PARD3: variants seen among roughly 807,000 people sequenced by gnomAD.
PARD3 encodes partitioning defective 3 homolog.
PARD3 carries 75 observed loss-of-function variants against 155.4 expected under a neutral mutation model. The observed-to-expected ratio is 0.48, with a 90% CI of 0.40 to 0.58. The LOEUF is 0.58. Among genes scored for constraint, PARD3 ranks in the 20% least tolerant of loss-of-function variants. The pLI, the probability that PARD3 is intolerant of heterozygous loss-of-function variation, is 0.00. For synonymous variants in PARD3, 576 were observed against 610.5 expected, an observed-to-expected ratio of 0.94 and a Z score of 0.83; for missense variants, 1,642 against 1,721.7, an observed-to-expected ratio of 0.95 and a Z score of 0.82.
intron 22 of PARD3, among the ~76,000 whole-genome samples, chr10:34,198,961 A>G (rs1247279439): frequency 6.6e-6 from 1 of 152,174 alleles, no homozygotes; most frequent in East Asian, 1.9e-4. Flanking sequence ...TTCAGTTGCC[A>G]TGGACTCTCA....
At chr10:34,263,491 T>C (rs1039373370) in intron 22 of PARD3, among the ~76,000 whole-genome samples, 4 of 151,658 alleles carry the variant, frequency 2.6e-5, no homozygotes, top group African/African-American at 9.7e-5. Context: ...ACCCCATCTG[T>C]ACAAAAAATA....
chr10:34,409,285 T>C (rs549727096), intron 5 of PARD3, among the ~76,000 whole-genome samples: 1 of 152,224 alleles, frequency 6.6e-6, no homozygotes, highest in South Asian at 2.1e-4. Context: ...ACCAGTTCCA[T>C]GCATAATGGA....
intron 22 of PARD3, among the ~76,000 whole-genome samples, chr10:34,199,767 G>A (rs573782065): frequency 2.6e-4 from 40 of 152,288 alleles, no homozygotes; most frequent in Admixed American, 2.0e-3. Flanking sequence ...AGTGATTAAT[G>A]AGAACCGGAG....
intron 22 of PARD3, among the ~76,000 whole-genome samples, chr10:34,233,710 C>T (rs1432992190): frequency 2.0e-5 from 3 of 152,028 alleles, no homozygotes; most frequent in Non-Finnish European, 2.9e-5. Context: ...GTCCTATAGG[C>T]TCTAGGTTTA....
At chr10:34,718,102 C>A (rs189303056) in intron 1 of PARD3, among the ~76,000 whole-genome samples, 1,982 of 136,790 alleles carry the variant, frequency 0.014, 25 homozygotes, top group Non-Finnish European at 0.02. Context: ...TGCAGTGAGC[C>A]AAGATGGTGC....
chr10:34,223,544 G>A (rs1952427953), intron 22 of PARD3, among the ~76,000 whole-genome samples: 1 of 152,168 alleles, frequency 6.6e-6, no homozygotes, highest in South Asian at 2.1e-4. Context: ...AAGGCGAACA[G>A]GGTGAGAGAT....
chr10:34,570,401 T>C (rs2086295528), intron 2 of PARD3, among the ~76,000 whole-genome samples: 1 of 152,222 alleles, frequency 6.6e-6, no homozygotes, highest in Admixed American at 6.5e-5. Flanking sequence ...TAGATGAAGT[T>C]AAAATTGCCA....
chr10:34,346,337 G>T, intron 15 of PARD3: 6 of 1,278,836 alleles, frequency 4.7e-6, no homozygotes, highest in Admixed American at 5.2e-5. Flanking sequence ...TTTGGTTTGA[G>T]TTTTAGTTTT....
chr10:34,282,787 C>G (rs186284307), intron 21 of PARD3, among the ~76,000 whole-genome samples: 2 of 152,046 alleles, frequency 1.3e-5, no homozygotes, highest in East Asian at 3.9e-4. Context: ...GAAGTTTATA[C>G]TTCTGAGTCA....
chr10:34,265,438 A>G lies in PARD3; in HGVS notation c.3419+4219T>C, dbSNP rs1955253432. Among the ~76,000 whole-genome samples, 3 of 152,330 alleles carry G rather than the reference A, an allele frequency of 2.0e-5. No individual in the cohort carries two copies. The South Asian group carries it at 6.2e-4, about 32-fold the overall frequency. Reference sequence around the variant, plus strand: ...AAATGATTAAGCAGTGAAATGTAGAACACTGCTTCCTTACTGAACAATGAA... The same window carrying G: ...AAATGATTAAGCAGTGAAATGTAGAGCACTGCTTCCTTACTGAACAATGAA... On this transcript the variant is annotated intron_variant, in intron 22 of 24. Coordinates refer to ENST00000374788, the MANE Select transcript of PARD3 (RefSeq NM_001184785.2).
chr10:34,276,849 T>C (rs1018997937), intron 21 of PARD3, among the ~76,000 whole-genome samples: 2 of 152,184 alleles, frequency 1.3e-5, no homozygotes, highest in African/African-American at 4.8e-5. Flanking sequence ...TTTTTACATG[T>C]TGTATTTTTT....
At chr10:34,132,175 A>C (rs1947647841) in intron 22 of PARD3, among the ~76,000 whole-genome samples, 2 of 152,208 alleles carry the variant, frequency 1.3e-5, no homozygotes, top group African/African-American at 4.8e-5. Context: ...AAAATGAAAA[A>C]CATTTTAAAA....
At chr10:34,806,836 T>C (rs1039971182) in intron 1 of PARD3, among the ~76,000 whole-genome samples, 1 of 152,086 alleles carries the variant, frequency 6.6e-6, no homozygotes, top group African/African-American at 2.4e-5. Flanking sequence ...AAACAAACCA[T>C]GCAGAGCAGG....
At chr10:34,450,926 G>A (rs1347107085) in intron 4 of PARD3, among the ~76,000 whole-genome samples, 2 of 152,114 alleles carry the variant, frequency 1.3e-5, no homozygotes, top group Non-Finnish European at 2.9e-5. Context: ...ATGGTTTTGT[G>A]ATTTTTGGAT....
At position 34,337,192 on chromosome 10, in the gene PARD3, C is replaced by A. The variant is rs979660628; in HGVS notation, c.2560+83G>T. 4.7e-6 allele frequency: 4 copies of A among 842,964 alleles called. No homozygotes were observed. The African/African-American group carries it at 7.0e-5, about 15-fold the overall frequency. The allele number at this position is 842,964 out of a possible 1,614,324, so 52.2% of individuals were successfully genotyped here. A position where few individuals can be genotyped will look rare whatever the true frequency, so the allele number is the denominator to read the frequency against. On this transcript the variant is annotated intron_variant, in intron 17 of 24. Transcript: ENST00000374788. ...TATTTTCTCTATTGCTCAAAGTAAA[C>A]AGACATCTGCTTGGGACCATCAATT...
intron 1 of PARD3, among the ~76,000 whole-genome samples, chr10:34,756,137 C>CA (rs1356612126): frequency 1.4e-4 from 19 of 135,580 alleles, no homozygotes; most frequent in African/African-American, 3.8e-4. Context: ...CTCCCCATGG[C>CA]AAAAAAATGC....
rs991785162 is a variant in PARD3 at position 34,757,503 on chromosome 10, G to A, written c.120+57373C>T. 9.9e-5 allele frequency among the ~76,000 whole-genome samples: 15 copies of A among 152,198 alleles called. No individual in the cohort carries two copies. The East Asian group carries it at 1.5e-3, about 16-fold the overall frequency. ...GCAGATCACTTGAGGCCAGGAGTTC[G>A]AGAGCAACCTGGCCAACCAACATGG... On this transcript the variant is annotated intron_variant, in intron 1 of 24. Transcript: ENST00000374788.
chr10:34,591,797 T>C (rs1398121823), intron 2 of PARD3, among the ~76,000 whole-genome samples: 1 of 151,714 alleles, frequency 6.6e-6, no homozygotes, highest in Non-Finnish European at 1.5e-5. Context: ...GCCGGGGGAG[T>C]TTCGATCAAG....
intron 22 of PARD3, among the ~76,000 whole-genome samples, chr10:34,235,781 C>T (rs1386979528): frequency 6.6e-6 from 1 of 152,162 alleles, no homozygotes; most frequent in Non-Finnish European, 1.5e-5. Context: ...CTGGCTTTTG[C>T]ATGTCTTTTA....
Sources: gnomAD v4.1 joint callset for allele counts (sites outside exome capture counted in the v4.1 genomes callset) on GRCh38, gnomAD v4.1.1 for gene constraint, MANE v1.5 for transcripts, NCBI Gene and HGNC (gene_info 2026-07-23, HGNC 2026-07-21) for gene names.